Variants in DEFB134 observed in about 807,000 individuals in gnomAD.
DEFB134 encodes defensin beta 134.
In DEFB134, 7 loss-of-function variants were observed where a neutral mutation model predicts 7.4. The observed-to-expected ratio is 0.95, with a 90% confidence interval of 0.54 to 1.79. The LOEUF (loss-of-function observed/expected upper bound fraction) is 1.79. Among genes scored for constraint, DEFB134 ranks in the 40% most tolerant of loss-of-function variants. DEFB134 has a pLI of 0.00. For synonymous variants in DEFB134, 33 were observed against 25.0 expected, an observed-to-expected ratio of 1.32 and a Z score of -0.96; for missense variants, 105 against 74.8, an observed-to-expected ratio of 1.40 and a Z score of -1.49.
intron 1 of DEFB134, among the ~76,000 whole-genome samples, chr8:11,994,624 T>A (rs1800068917): frequency 6.6e-6 from 1 of 152,230 alleles, no homozygotes; most frequent in Non-Finnish European, 1.5e-5. Flanking sequence ...AAACAAGTAA[T>A]AATTTGGAAG....
At chr8:11,995,666 T>C (rs1800099496) in intron 1 of DEFB134, among the ~76,000 whole-genome samples, 1 of 152,214 alleles carries the variant, frequency 6.6e-6, no homozygotes, top group Non-Finnish European at 1.5e-5. Flanking sequence ...GTAAATTAAC[T>C]GTAGGAAACT....
chr8:11,993,978 T>A lies in DEFB134; in HGVS notation c.*2A>T, dbSNP rs755895950. 5 of 1,611,408 alleles carry A rather than the reference T, an allele frequency of 3.1e-6. No homozygotes were observed. The East Asian group carries it at 1.1e-4, about 36-fold the overall frequency. On this transcript the variant is annotated 3_prime_UTR_variant, in exon 2 of 2. Coordinates refer to ENST00000526438, the Ensembl canonical transcript of DEFB134. ...ATAGTGGCCATTCATTGGTTTCTTA[T>A]GTCAGGGTGCAGGATTTCCTTTGAC... is the stretch of plus-strand genomic sequence containing the variant.
At chr8:11,993,972 T>C in exon 2 of DEFB134, 1 of 1,610,300 alleles carries the variant, frequency 6.2e-7, no homozygotes, top group Non-Finnish European at 8.5e-7. Flanking sequence ...ATTCATTGGT[T>C]TCTTATGTCA....
At chr8:11,997,217 T>G (rs1800149023), upstream of DEFB134, among the ~76,000 whole-genome samples, 1 of 152,254 alleles carries the variant, frequency 6.6e-6, no homozygotes, top group Non-Finnish European at 1.5e-5. Flanking sequence ...AGCATAATTA[T>G]TTGAGATTCG....
intron 1 of DEFB134, among the ~76,000 whole-genome samples, chr8:11,994,582 C>T (rs763246614): frequency 6.6e-6 from 1 of 152,142 alleles, no homozygotes; most frequent in Non-Finnish European, 1.5e-5. Context: ...CCACAGTGTG[C>T]GGAATTTTGT....
intron 1 of DEFB134, 95 bp downstream of exon 2, chr8:11,996,099 A>G: frequency 7.0e-7 from 1 of 1,419,996 alleles, no homozygotes; most frequent in Middle Eastern, 1.8e-4. Flanking sequence ...CTTGAAAATT[A>G]AAGGGCCCAT....
chr8:11,995,891 T>A (rs558494493), intron 1 of DEFB134, among the ~76,000 whole-genome samples: 63 of 151,926 alleles, frequency 4.1e-4, no homozygotes, highest in African/African-American at 1.4e-3. Flanking sequence ...CTTGTGAGAC[T>A]CTTCATTTCC....
At chr8:11,999,971 G>A (rs1800229052), upstream of DEFB134, among the ~76,000 whole-genome samples, 1 of 152,120 alleles carries the variant, frequency 6.6e-6, no homozygotes. Context: ...CCTGGGTTTG[G>A]TATTTCTTTA....
chr8:11,994,075 C>T lies in DEFB134; in HGVS notation c.106G>A (p.Gly36Ser), dbSNP rs367547094. Residue 36 changes from glycine (G) to serine (S), a missense_variant, in exon 2 of 2, where the codon GGC (glycine) becomes AGC (serine). Gly to Ser is a moderately conservative substitution (Grantham distance 56). Coordinates refer to ENST00000526438, the Ensembl canonical transcript of DEFB134. ...TCATAGCATTCAAGTCTGCAGATGCCATTTTTATAGCATTTCTTGTGCATT... is the reference window on the plus strand; with the variant it reads ...TCATAGCATTCAAGTCTGCAGATGCTATTTTTATAGCATTTCTTGTGCATT... The T allele has an allele frequency of 1.9e-6, 3 of 1,613,448 alleles. No individual in the cohort carries two copies. The African/African-American group carries it at 4.0e-5, about 22-fold the overall frequency.
upstream of DEFB134, among the ~76,000 whole-genome samples, chr8:11,998,642 A>C (rs961267120): frequency 3.9e-5 from 6 of 152,092 alleles, no homozygotes; most frequent in African/African-American, 1.4e-4. Context: ...GAACTAAAAA[A>C]ACAAGAGCAA....
chr8:11,996,014 A>G (rs1362509904), intron 1 of DEFB134, among the ~76,000 whole-genome samples, 180 bp downstream of exon 2: 1 of 151,408 alleles, frequency 6.6e-6, no homozygotes. Context: ...CCAAAGTTAT[A>G]TAGTTAACAA....
intron 1 of DEFB134, 80 bp downstream of exon 2, chr8:11,996,114 G>T: frequency 6.6e-7 from 1 of 1,518,430 alleles, no homozygotes; most frequent in Non-Finnish European, 9.1e-7. Context: ...GCCCATGGGT[G>T]GTGTATGTTT....
In DEFB134 at chr8:11,995,995, G is replaced by C. The variant is rs371333546; in HGVS notation, c.58+199C>G. On this transcript the variant is annotated intron_variant, in intron 1 of 1. Transcript: ENST00000526438. ...GGAAACTAAGGCTCAGAGAAGCTTA[G>C]ACCTTTGTCCAAAGTTATATAGTTA... Among the ~76,000 whole-genome samples, 14 of 149,966 alleles carry C rather than the reference G, an allele frequency of 9.3e-5. No homozygotes were observed. In the East Asian group the frequency reaches 2.3e-3, roughly 25 times the overall value.
intron 1 of DEFB134, among the ~76,000 whole-genome samples, chr8:11,994,557 T>C (rs1332765010): frequency 6.6e-6 from 1 of 152,106 alleles, no homozygotes; most frequent in East Asian, 1.9e-4. Flanking sequence ...TATGAGAAAA[T>C]AAAGTTTGTC....
chr8:11,995,965 A>AAAAAGG lies in DEFB134; in HGVS notation c.58+223_58+228dup, dbSNP rs1410902425. On this transcript the variant is annotated intron_variant, in intron 1 of 1. Transcript: ENST00000526438. ...GGTGCGGATCAGTTCAGCCAAAAAA[A>AAAAAGG]AAAAGGAAACTAAGGCTCAGAGAAG... Among the ~76,000 whole-genome samples the AAAAAGG allele has an allele frequency of 2.0e-5, 3 of 152,028 alleles. No individual in the cohort carries two copies. In the East Asian group the frequency reaches 5.8e-4, roughly 29 times the overall value.
upstream of DEFB134, among the ~76,000 whole-genome samples, chr8:11,997,824 CAAAT>C (rs906658593): frequency 6.6e-6 from 1 of 152,156 alleles, no homozygotes; most frequent in African/African-American, 2.4e-5. Context: ...AGGCAGAAAA[CAAAT>C]AAAGATATTG....
chr8:11,996,025 G>C (rs1009541185), intron 1 of DEFB134, among the ~76,000 whole-genome samples, 169 bp downstream of exon 2: 2 of 151,206 alleles, frequency 1.3e-5, no homozygotes, highest in South Asian at 2.1e-4. Flanking sequence ...TAGTTAACAA[G>C]TTGGACAGCC....
chr8:11,994,466 C>T (rs894839304), intron 1 of DEFB134, among the ~76,000 whole-genome samples: 1 of 152,154 alleles, frequency 6.6e-6, no homozygotes, highest in Non-Finnish European at 1.5e-5. Context: ...AAAAGATGGC[C>T]ATCTACAAGC....
chr8:11,995,958 CA>C (rs34837269), intron 1 of DEFB134, among the ~76,000 whole-genome samples: 144 of 139,640 alleles, frequency 1.0e-3, no homozygotes, highest in Middle Eastern at 3.7e-3. Context: ...TCAGTTCAGC[CA>C]AAAAAAAAAA....
Sources: allele counts gnomAD v4.1 joint callset (sites outside exome capture counted in the v4.1 genomes callset), GRCh38; gene constraint gnomAD v4.1.1; transcripts MANE v1.5; gene names NCBI Gene and HGNC (gene_info 2026-07-23, HGNC 2026-07-21).